CTNNA3: variants seen among roughly 807,000 people sequenced by gnomAD.
The protein encoded by CTNNA3 is catenin alpha-3.
CTNNA3 carries 76 observed loss-of-function variants against 95.7 expected under a neutral mutation model. The observed-to-expected ratio is 0.79, with a 90% CI of 0.66 to 0.96. The LOEUF (loss-of-function observed/expected upper bound fraction) is 0.96, where lower values mean the gene tolerates loss of function less well. CTNNA3 is among the 40% of genes least tolerant of loss of function. The pLI is 0.00. For missense variants in CTNNA3, 1,191 were observed against 1,089.8 expected (o/e 1.09, Z -1.31); for synonymous variants, 431 against 374.4 (o/e 1.15, Z -1.74).
intron 10 of CTNNA3, among the ~76,000 whole-genome samples, chr10:66,618,726 A>C (rs751680858): frequency 0.084 from 12,761 of 152,008 alleles, 1,215 homozygotes; most frequent in African/African-American, 0.23. Flanking sequence ...TAATTAAACT[A>C]AAGAGCTTCT....
intron 13 of CTNNA3, among the ~76,000 whole-genome samples, chr10:66,172,207 A>AT (rs1221518597): frequency 6.6e-6 from 1 of 152,130 alleles, no homozygotes; most frequent in African/African-American, 2.4e-5. Context: ...GAAACTCACT[A>AT]TTTTTTAAAC....
rs574204085 is a variant in CTNNA3 at position 66,585,633 on chromosome 10, GTTAAC to G, written c.1374+36054_1374+36058del. 1.7e-3 allele frequency among the ~76,000 whole-genome samples: 261 copies of G among 151,758 alleles called. 6 individuals are homozygous for G. Among genetic ancestry groups the G allele is most frequent in the Non-Finnish European group, 4.3e-4 (29 of 67,932 alleles). On this transcript the variant is annotated intron_variant, in intron 10 of 17. Transcript: ENST00000433211. ...AAATTATGTTGGTTTTCAACTTTATGTTAACTTAATAATCAACTTTTTTGAATTAT... is the reference window on the plus strand; with the variant it reads ...AAATTATGTTGGTTTTCAACTTTATGTTAATAATCAACTTTTTTGAATTAT...
At chr10:66,045,330 A>G (rs1589288510) in intron 15 of CTNNA3, among the ~76,000 whole-genome samples, 1 of 152,160 alleles carries the variant, frequency 6.6e-6, no homozygotes, top group East Asian at 1.9e-4. Context: ...TATCTACCTA[A>G]ACCTTAAAAT....
At chr10:65,987,786 C>T (rs2078457986) in intron 16 of CTNNA3, among the ~76,000 whole-genome samples, 1 of 152,058 alleles carries the variant, frequency 6.6e-6, no homozygotes, top group Non-Finnish European at 1.5e-5. Context: ...TAGAATCAAT[C>T]TAACTGTCCA....
Position 66,334,251 on chromosome 10 carries a change from T to C in CTNNA3, c.1732+44901A>G, listed in dbSNP as rs556408454. On this transcript the variant is annotated intron_variant, in intron 12 of 17. Transcript: ENST00000433211. Reference sequence around the variant, plus strand: ...CATTTAAGGTTAAAATTGTTATGTGTGAATTTGATCCTGTCATTGTGATGT... The same window carrying C: ...CATTTAAGGTTAAAATTGTTATGTGCGAATTTGATCCTGTCATTGTGATGT... Among the ~76,000 whole-genome samples the C allele has an allele frequency of 2.0e-5, 3 of 152,152 alleles. No individual in the cohort carries two copies. The South Asian group carries it at 6.2e-4, about 32-fold the overall frequency.
At chr10:66,642,733 AG>A (rs1296698462) in intron 9 of CTNNA3, among the ~76,000 whole-genome samples, 1 of 152,168 alleles carries the variant, frequency 6.6e-6, no homozygotes, top group Non-Finnish European at 1.5e-5. Context: ...TTAGAGAATA[AG>A]GGGCAAAGAA....
At chr10:67,539,721 T>G (rs762783035) in intron 3 of CTNNA3, 52 bp from the exon 4 acceptor site, 1 of 1,531,590 alleles carries the variant, frequency 6.5e-7, no homozygotes. Flanking sequence ...ACTATGCCTA[T>G]TTCAGGATTT....
intron 13 of CTNNA3, among the ~76,000 whole-genome samples, chr10:66,199,790 TATATATATATATA>T (rs2087234991): frequency 2.0e-4 from 3 of 14,748 alleles, no homozygotes; most frequent in Admixed American, 7.6e-4. Context: ...TATATATATA[TATATATATATATA>T]TATTTTTTTT....
At chr10:66,670,505 C>T (rs926735707) in intron 9 of CTNNA3, among the ~76,000 whole-genome samples, 3 of 152,098 alleles carry the variant, frequency 2.0e-5, no homozygotes, top group African/African-American at 7.2e-5. Context: ...TTAAAGGCAG[C>T]AACAATAGGC....
At chr10:66,321,322 C>G (rs73303443) in intron 12 of CTNNA3, among the ~76,000 whole-genome samples, 2,633 of 152,040 alleles carry the variant, frequency 0.017, 84 homozygotes, top group African/African-American at 0.06. Context: ...TATTAAGTTA[C>G]CGAAAGAAAC....
chr10:66,675,725 A>G (rs1846829536), intron 9 of CTNNA3, among the ~76,000 whole-genome samples: 1 of 152,138 alleles, frequency 6.6e-6, no homozygotes, highest in South Asian at 2.1e-4. Context: ...CAAAAGAGAC[A>G]TCCAGCCTGA....
At chr10:66,663,764 C>T (rs1324165777) in intron 9 of CTNNA3, among the ~76,000 whole-genome samples, 2 of 152,072 alleles carry the variant, frequency 1.3e-5, no homozygotes, top group Non-Finnish European at 2.9e-5. Flanking sequence ...AGTCTTGTAA[C>T]CAGTGAATAC....
At chr10:66,217,332 G>A (rs1301016318) in intron 13 of CTNNA3, among the ~76,000 whole-genome samples, 3 of 139,868 alleles carry the variant, frequency 2.1e-5, no homozygotes, top group Non-Finnish European at 4.6e-5. Context: ...TAGCCTGGGC[G>A]ACAGAGCGAG....
intron 5 of CTNNA3, among the ~76,000 whole-genome samples, chr10:67,352,265 C>T (rs1037106734): frequency 3.3e-5 from 5 of 151,950 alleles, no homozygotes; most frequent in Admixed American, 2.6e-4. Context: ...AAAATGCTAA[C>T]AGGAACAAAT....
chr10:67,706,628 A>C lies in CTNNA3; in HGVS notation c.-2+56806T>G, dbSNP rs117846970. Among the ~76,000 whole-genome samples the C allele has an allele frequency of 8.5e-3, 1,294 of 152,248 alleles. 9 individuals carry two copies. Among genetic ancestry groups the C allele is most frequent in the Middle Eastern group, 0.017 (5 of 294 alleles). Reference sequence around the variant, plus strand: ...GGAAAGGGAGGGAGATTTAAATTAGAATGAAATGGAAGTGTTAAATTGGAC... The same window carrying C: ...GGAAAGGGAGGGAGATTTAAATTAGCATGAAATGGAAGTGTTAAATTGGAC... On this transcript the variant is annotated intron_variant, in intron 1 of 17. Transcript: ENST00000684154.
intron 3 of CTNNA3, among the ~76,000 whole-genome samples, chr10:67,580,468 A>G (rs370340197): frequency 5.1e-4 from 78 of 151,512 alleles, no homozygotes; most frequent in African/African-American, 1.3e-3. Context: ...TAGCCTTGTA[A>G]TATAGTTTGA....
intron 13 of CTNNA3, among the ~76,000 whole-genome samples, chr10:66,226,958 G>A (rs1165411504): frequency 6.6e-6 from 1 of 151,692 alleles, no homozygotes; most frequent in Non-Finnish European, 1.5e-5. Context: ...TTTTTTGGTG[G>A]AGTCTAGATT....
At chr10:66,225,942 CTTCT>C (rs2089264015) in intron 13 of CTNNA3, among the ~76,000 whole-genome samples, 1 of 151,940 alleles carries the variant, frequency 6.6e-6, no homozygotes, top group African/African-American at 2.4e-5. Flanking sequence ...TTGCTGTTGA[CTTCT>C]TTGAGTTCTT....
chr10:67,154,016 A>T (rs1328443057), intron 7 of CTNNA3, among the ~76,000 whole-genome samples: 1 of 152,126 alleles, frequency 6.6e-6, no homozygotes, highest in African/African-American at 2.4e-5. Flanking sequence ...ATTATTTGTT[A>T]AACAGCAGCC....
Sources: gnomAD v4.1 joint callset for allele counts (sites outside exome capture counted in the v4.1 genomes callset) on GRCh38, gnomAD v4.1.1 for gene constraint, MANE v1.5 for transcripts, NCBI Gene and HGNC (gene_info 2026-07-23, HGNC 2026-07-21) for gene names.